Variants in TARDBP observed in about 807,000 individuals in gnomAD.
TARDBP encodes TAR DNA-binding protein 43.
Under a neutral mutation model 38.3 loss-of-function variants are expected in TARDBP, and 4 were observed. The ratio of observed to expected loss-of-function variants is 0.10; its 90% CI spans 0.05 to 0.24. The LOEUF (loss-of-function observed/expected upper bound fraction) is 0.24. Among genes scored for constraint, TARDBP ranks in the 10% least tolerant of loss-of-function variants. TARDBP has a pLI of 1.00. For synonymous variants in TARDBP, 184 were observed against 183.8 expected, an observed-to-expected ratio of 1.00 and a Z score of -0.01; for missense variants, 202 against 521.9, an observed-to-expected ratio of 0.39 and a Z score of 5.97.
At chr1:11,027,530 A>G (rs1451768310), downstream of TARDBP, 1 of 1,614,146 alleles carries the variant, frequency 6.2e-7, no homozygotes, top group East Asian at 2.2e-5. Flanking sequence ...TGTCATATAA[A>G]AGTGCACCTG....
chr1:11,030,289 G>GT (rs764416743), downstream of TARDBP: 1 of 1,409,006 alleles, frequency 7.1e-7, no homozygotes, highest in African/African-American at 1.4e-5. Flanking sequence ...TTAACTGCAT[G>GT]TATAAGATGG....
rs1341638710 is a variant in TARDBP, at chr1:11,023,400, T to A, written c.*746T>A. On this transcript the variant is annotated 3_prime_UTR_variant, in exon 6 of 6. Transcript: ENST00000240185. ...TATCAACGCTATGAACGCAAGGCTG[T>A]GATATGGAACCAGAAGGCTGTCTGA... 5 of 844,658 alleles carry A rather than the reference T, an allele frequency of 5.9e-6. No homozygotes were observed. Among genetic ancestry groups the A allele is most frequent in the Non-Finnish European group, 9.2e-6 (5 of 542,292 alleles). The allele number at this position is 844,658 out of a possible 1,614,324, so 52.3% of individuals were successfully genotyped here.
Position 11,023,226 on chromosome 1 carries a change from C to T in TARDBP, c.*572C>T. On this transcript the variant is annotated 3_prime_UTR_variant, in exon 6 of 6. Coordinates refer to ENST00000240185, the MANE Select transcript of TARDBP (RefSeq NM_007375.4). The stretch of plus-strand genomic sequence containing the variant: ...ATTTCAAATGTTTATGGAAGAAGCA[C>T]TTCATTGAAAGTAGTGCTGTAAATA... 1.3e-6 allele frequency: 2 copies of T among 1,550,496 alleles called. No individual in the cohort carries two copies. Among genetic ancestry groups the T allele is most frequent in the Non-Finnish European group, 1.7e-6 (2 of 1,146,850 alleles).
chr1:11,013,361 A>G (rs912053100), intron 1 of TARDBP, among the ~76,000 whole-genome samples: 3 of 152,196 alleles, frequency 2.0e-5, no homozygotes, highest in African/African-American at 7.2e-5. Flanking sequence ...CTTCAGGATT[A>G]CTTAACGACT....
downstream of TARDBP, among the ~76,000 whole-genome samples, chr1:11,027,980 G>C (rs910284087): frequency 3.9e-5 from 6 of 152,180 alleles, no homozygotes; most frequent in Admixed American, 6.5e-5. Flanking sequence ...CCAGCACTTT[G>C]GGAGGCTGAG....
chr1:11,018,921 A>G (rs201687913), intron 4 of TARDBP, 48 bp downstream of exon 4: 4 of 1,612,862 alleles, frequency 2.5e-6, no homozygotes, highest in East Asian at 4.5e-5. Flanking sequence ...ACTTCCTTAG[A>G]GGATTGTAAG....
chr1:11,016,930 T>C lies in TARDBP; in HGVS notation c.325T>C (p.Leu109=). ...AVQKTSDLIV[L]GLPWKTTEQD... ...CCAGAAAACATCCGATTTAATAGTG[T>C]TGGGTCTCCCATGGAAAACAACCGA... is the stretch of plus-strand genomic sequence containing the variant. The change falls in exon 3 of 6, where the codon TTG becomes CTG. Residue 109 remains leucine, a synonymous_variant. Coordinates refer to ENST00000240185, the MANE Select transcript of TARDBP (RefSeq NM_007375.4). 2 of 1,614,218 alleles carry C rather than the reference T, an allele frequency of 1.2e-6. No individual in the cohort carries two copies. The highest frequency in any genetic ancestry group is 1.7e-6 in the Non-Finnish European group (2 of 1,180,044).
At chr1:11,019,601 C>G (rs1643596239) in intron 4 of TARDBP, among the ~76,000 whole-genome samples, 1 of 152,042 alleles carries the variant, frequency 6.6e-6, no homozygotes, top group African/African-American at 2.4e-5. Context: ...GAGTCTCACT[C>G]TGTCATCCGG....
rs1195133485 is a variant in TARDBP, at chr1:11,023,527, A to G, written c.*873A>G. On this transcript the variant is annotated 3_prime_UTR_variant, in exon 6 of 6. Transcript: ENST00000240185. ...GCGTGCAGAGACTTGGTGGTGCATA[A>G]TGGATATTTTTTAACTTGGCGAGAT... The G allele has an allele frequency of 2.2e-6, 1 of 462,506 alleles. No homozygotes were observed. The allele number at this position is 462,506 out of a possible 1,614,324, so 28.7% of individuals were successfully genotyped here.
intron 2 of TARDBP, chr1:11,015,669 C>CA (rs35070440): frequency 0.64 from 92,740 of 144,610 alleles, 33,480 homozygotes; most frequent in Non-Finnish European, 0.81. Flanking sequence ...GACTCCGTCT[C>CA]AAAAAAAAAA....
chr1:11,023,379 A>G lies in TARDBP; in HGVS notation c.*725A>G, dbSNP rs796937200. On this transcript the variant is annotated 3_prime_UTR_variant, in exon 6 of 6. Transcript: ENST00000240185. ...ACTCTTTATTTCATGGAGTCGTATC[A>G]ACGCTATGAACGCAAGGCTGTGATA... The G allele has an allele frequency of 1.4e-5, 14 of 973,334 alleles. No individual in the cohort carries two copies. The African/African-American group carries it at 2.1e-4, about 15-fold the overall frequency. 60.3% of individuals were successfully genotyped at this position (973,334 alleles called of 1,614,324 possible). A position where few individuals can be genotyped will look rare whatever the true frequency, so the allele number is the denominator to read the frequency against.
At chr1:11,026,594 A>G (rs1643735602), downstream of TARDBP, 1 of 248,354 alleles carries the variant, frequency 4.0e-6, no homozygotes, top group Non-Finnish European at 7.6e-6. Context: ...CCAGTATGAA[A>G]AGAGACTGGC....
chr1:11,027,182 GACAT>G (rs752437053), downstream of TARDBP: 1 of 1,614,074 alleles, frequency 6.2e-7, no homozygotes, highest in South Asian at 1.1e-5. Context: ...TCGGTATGTC[GACAT>G]ACATTAGATT....
chr1:11,027,274 CTTCTT>C (rs758750248), downstream of TARDBP: 20 of 1,613,936 alleles, frequency 1.2e-5, no homozygotes, highest in East Asian at 6.7e-5. Flanking sequence ...AAGGATTCAG[CTTCTT>C]TTCTTGGCAG....
downstream of TARDBP, among the ~76,000 whole-genome samples, chr1:11,029,433 A>T (rs911254739): frequency 6.6e-6 from 1 of 151,690 alleles, no homozygotes; most frequent in African/African-American, 2.4e-5. Context: ...CTCAACTATT[A>T]TCTTTGGAGC....
At chr1:11,018,684 G>A (rs924162159) in intron 3 of TARDBP, 49 bp from the exon 4 acceptor site, 1 of 1,613,330 alleles carries the variant, frequency 6.2e-7, no homozygotes, top group Non-Finnish European at 8.5e-7. Context: ...TGGGAATGGA[G>A]TGTGTGAGTA....
At chr1:11,027,447 C>T (rs1643756744), downstream of TARDBP, 1 of 1,614,028 alleles carries the variant, frequency 6.2e-7, no homozygotes, top group Non-Finnish European at 8.5e-7. Context: ...TTTCAGGGTG[C>T]CCATTCGAAT....
downstream of TARDBP, among the ~76,000 whole-genome samples, chr1:11,028,073 T>C (rs1221968085): frequency 1.3e-5 from 2 of 151,920 alleles, no homozygotes; most frequent in African/African-American, 4.8e-5. Flanking sequence ...TACACAAAAA[T>C]TAGCCGGGCG....
chr1:11,016,271 GTTTCT>G (rs1643523187), intron 2 of TARDBP: 1 of 153,346 alleles, frequency 6.5e-6, no homozygotes. Context: ...CAAACTTTTG[GTTTCT>G]TTTTCTTTTT....
Sources: allele counts gnomAD v4.1 joint callset (sites outside exome capture counted in the v4.1 genomes callset), GRCh38; gene constraint gnomAD v4.1.1; transcripts MANE v1.5; gene names NCBI Gene and HGNC (gene_info 2026-07-23, HGNC 2026-07-21).